The following APBB2 variants were observed in gnomAD, a reference collection of about 807,000 sequenced individuals.
APBB2 encodes Fe65-like 1.
Under a neutral mutation model 82.5 loss-of-function variants are expected in APBB2, and 38 were observed. The observed-to-expected ratio is 0.46, with a 90% CI of 0.36 to 0.60. APBB2 has a LOEUF of 0.60. Among genes scored for constraint, APBB2 ranks in the 20% least tolerant of loss-of-function variants. The probability of loss-of-function intolerance (pLI) is 0.00; values close to 1 mark genes in which losing one functional copy is unlikely to be tolerated. For synonymous variants in APBB2, 341 were observed against 368.2 expected (o/e 0.93, Z 0.85); for missense variants, 772 against 972.3 (o/e 0.79, Z 2.74).
chr4:41,179,472 G>GT (rs1283452036), intron 1 of APBB2, among the ~76,000 whole-genome samples: 1 of 152,104 alleles, frequency 6.6e-6, no homozygotes, highest in Admixed American at 6.6e-5. Context: ...TACTAAAATA[G>GT]TTTTTATCTA....
At chr4:40,830,107 G>A (rs1751357375) in intron 13 of APBB2, among the ~76,000 whole-genome samples, 1 of 152,124 alleles carries the variant, frequency 6.6e-6, no homozygotes, top group Admixed American at 6.5e-5. Flanking sequence ...CTAGGCTGCG[G>A]GAGGGACTAT....
chr4:40,907,933 T>A (rs886246105), intron 10 of APBB2, among the ~76,000 whole-genome samples: 3 of 151,812 alleles, frequency 2.0e-5, no homozygotes, highest in Admixed American at 2.0e-4. Context: ...CCTCCCAAAG[T>A]GCTGGGATTA....
chr4:40,982,390 GGAAA>G, intron 6 of APBB2, among the ~76,000 whole-genome samples: 1 of 11,912 alleles, frequency 8.4e-5, no homozygotes, highest in South Asian at 4.5e-3. Context: ...AAGGAAGGAA[GGAAA>G]GGAAAGGAAA....
At chr4:41,002,800 G>A (rs1472512879) in intron 6 of APBB2, among the ~76,000 whole-genome samples, 1 of 152,184 alleles carries the variant, frequency 6.6e-6, no homozygotes, top group Non-Finnish European at 1.5e-5. Context: ...GCGTTCTTCA[G>A]TATTGCTGTT....
intron 4 of APBB2, among the ~76,000 whole-genome samples, chr4:41,047,804 T>C (rs12647088): frequency 0.036 from 5,524 of 152,294 alleles, 168 homozygotes; most frequent in East Asian, 0.12. Flanking sequence ...TATCTATCTC[T>C]GATCTGATGG....
At chr4:41,171,375 T>C (rs1768193214) in intron 1 of APBB2, among the ~76,000 whole-genome samples, 1 of 144,624 alleles carries the variant, frequency 6.9e-6, no homozygotes, top group African/African-American at 2.8e-5. Context: ...GTTCCATAGC[T>C]TCCTTGCAAA....
chr4:40,853,153 C>A (rs1760023748), intron 12 of APBB2, among the ~76,000 whole-genome samples: 2 of 152,192 alleles, frequency 1.3e-5, no homozygotes, highest in Non-Finnish European at 2.9e-5. Flanking sequence ...TTCCCCCACC[C>A]ACCTGCTTCT....
At chr4:41,207,373 G>A (rs1778228291) in intron 1 of APBB2, among the ~76,000 whole-genome samples, 1 of 152,126 alleles carries the variant, frequency 6.6e-6, no homozygotes, top group African/African-American at 2.4e-5. Flanking sequence ...GAATGATACT[G>A]CAGAGGTCTG....
At chr4:41,024,449 C>CA (rs1485686875) in intron 5 of APBB2, among the ~76,000 whole-genome samples, 1 of 152,066 alleles carries the variant, frequency 6.6e-6, no homozygotes, top group African/African-American at 2.4e-5. Flanking sequence ...TAATATCCAG[C>CA]ACCTATTGAG....
At chr4:41,068,967 T>C (rs1452644341) in intron 3 of APBB2, among the ~76,000 whole-genome samples, 2 of 152,010 alleles carry the variant, frequency 1.3e-5, no homozygotes, top group Non-Finnish European at 2.9e-5. Flanking sequence ...AGCTATTTTT[T>C]GTATTTTTAG....
chr4:41,119,292 G>T (rs1752074652), intron 2 of APBB2, among the ~76,000 whole-genome samples: 1 of 152,040 alleles, frequency 6.6e-6, no homozygotes, highest in Admixed American at 6.6e-5. Flanking sequence ...GGGCCGACTG[G>T]GGGAGTGAGT....
At chr4:41,082,580 T>C (rs943783945) in intron 3 of APBB2, among the ~76,000 whole-genome samples, 104 of 151,806 alleles carry the variant, frequency 6.9e-4, no homozygotes, top group Non-Finnish European at 1.3e-3. Context: ...TTTTTTTTTT[T>C]TTTTTTTAAG....
chr4:41,098,733 AAAAGGCAGCTTATTTG>A (rs1744381265), intron 3 of APBB2, among the ~76,000 whole-genome samples: 2 of 152,358 alleles, frequency 1.3e-5, no homozygotes, highest in African/African-American at 4.8e-5. Flanking sequence ...TAAGGATTTG[AAAAGGCAGCTTATTTG>A]AAAGGCAGCT....
intron 6 of APBB2, among the ~76,000 whole-genome samples, chr4:41,012,156 A>C (rs1274337911): frequency 6.6e-6 from 1 of 152,212 alleles, no homozygotes; most frequent in Non-Finnish European, 1.5e-5. Context: ...TGCCTGAACA[A>C]AACTTTAGGT....
intron 6 of APBB2, among the ~76,000 whole-genome samples, chr4:41,006,005 T>C (rs1262191146): frequency 6.6e-6 from 1 of 152,214 alleles, no homozygotes; most frequent in Non-Finnish European, 1.5e-5. Context: ...TCATTAACCA[T>C]TGTTAGACTC....
At chr4:40,949,190 A>T (rs1288905506) in intron 6 of APBB2, among the ~76,000 whole-genome samples, 1 of 151,798 alleles carries the variant, frequency 6.6e-6, no homozygotes, top group Non-Finnish European at 1.5e-5. Context: ...AATTGCTTGA[A>T]CCCGGGAGGT....
chr4:41,131,806 A>G (rs892092421), intron 2 of APBB2, among the ~76,000 whole-genome samples: 3 of 152,122 alleles, frequency 2.0e-5, no homozygotes, highest in African/African-American at 7.2e-5. Context: ...TTGGGAGGCC[A>G]AGGCGGGTGG....
chr4:40,870,800 C>T (rs1376978595), intron 12 of APBB2, among the ~76,000 whole-genome samples: 2 of 150,600 alleles, frequency 1.3e-5, no homozygotes, highest in African/African-American at 4.9e-5. Context: ...TGGCACGATC[C>T]CGGCTCACTG....
chr4:40,984,873 G>A (rs1470471835), intron 6 of APBB2, among the ~76,000 whole-genome samples: 1 of 152,018 alleles, frequency 6.6e-6, no homozygotes, highest in Non-Finnish European at 1.5e-5. Context: ...CCCTCTTGGT[G>A]AACACCGTAT....
Sources: gnomAD v4.1 joint callset for allele counts (sites outside exome capture counted in the v4.1 genomes callset) on GRCh38, gnomAD v4.1.1 for gene constraint, MANE v1.5 for transcripts, NCBI Gene and HGNC (gene_info 2026-07-23, HGNC 2026-07-21) for gene names.